The following GRIK2 variants were observed in gnomAD, a reference collection of about 807,000 sequenced individuals.
GRIK2 encodes the protein glutamate ionotropic receptor kainate type subunit 2.
Under a neutral mutation model 100.3 loss-of-function variants are expected in GRIK2, and 32 were observed. That is an observed-to-expected ratio of 0.32 (90% confidence interval 0.24 to 0.43). The LOEUF (loss-of-function observed/expected upper bound fraction) is 0.43. Among genes scored for constraint, GRIK2 ranks in the 20% least tolerant of loss-of-function variants. The pLI is 1.00. For missense variants in GRIK2, 843 were observed against 1,114.9 expected, an observed-to-expected ratio of 0.76 and a Z score of 3.47; for synonymous variants, 417 against 389.4, an observed-to-expected ratio of 1.07 and a Z score of -0.83.
In GRIK2 at chr6:101,686,247, T is replaced by C. The variant is rs1296003066; in HGVS notation, c.845T>C (p.Leu282Ser). 1 of 1,612,966 alleles carries C rather than the reference T, an allele frequency of 6.2e-7. No homozygotes were observed. Among genetic ancestry groups the C allele is most frequent in the East Asian group, 2.2e-5 (1 of 44,808 alleles). Reference sequence around the variant, plus strand: ...GTTAACATGACAGGGTTCAGAATATTAAATACAGAAAATACCCAAGTCTCC... The same window carrying C: ...GTTAACATGACAGGGTTCAGAATATCAAATACAGAAAATACCCAAGTCTCC... ...SGVNMTGFRI[L>S]NTENTQVSSI... is the part of the protein sequence containing the mutation. Residue 282 changes from leucine to serine, a missense_variant, in exon 7 of 17, where the codon TTA (leucine) becomes TCA (serine). Physicochemically the swap from Leu to Ser is moderately radical, Grantham distance 145. This residue lies in a region of GRIK2 where 519 missense variants were observed against 643.8 expected (regional missense o/e 0.81). Coordinates refer to ENST00000369134, the MANE Select transcript of GRIK2 (RefSeq NM_021956.5).
chr6:101,633,750 C>A (rs1180205615), intron 4 of GRIK2, among the ~76,000 whole-genome samples: 1 of 152,110 alleles, frequency 6.6e-6, no homozygotes, highest in African/African-American at 2.4e-5. Context: ...TACACATACA[C>A]ATACACACAA....
intron 7 of GRIK2, among the ~76,000 whole-genome samples, chr6:101,783,650 A>G (rs1779245235): frequency 6.6e-6 from 1 of 152,198 alleles, no homozygotes; most frequent in South Asian, 2.1e-4. Flanking sequence ...GGAACTTCCT[A>G]GAGACTTGTT....
At chr6:101,961,316 G>A (rs761403941) in intron 14 of GRIK2, among the ~76,000 whole-genome samples, 5 of 152,098 alleles carry the variant, frequency 3.3e-5, no homozygotes, top group East Asian at 1.9e-4. Flanking sequence ...ACTCTGCAGC[G>A]GGAATGCTGC....
At chr6:101,905,880 T>G (rs2128463432) in intron 12 of GRIK2, among the ~76,000 whole-genome samples, 1 of 151,620 alleles carries the variant, frequency 6.6e-6, no homozygotes, top group South Asian at 2.1e-4. Context: ...TATTTATTGT[T>G]TGATTAAATG....
At chr6:101,820,220 A>G (rs1401428537) in intron 10 of GRIK2, among the ~76,000 whole-genome samples, 1 of 152,090 alleles carries the variant, frequency 6.6e-6, no homozygotes, top group Non-Finnish European at 1.5e-5. Flanking sequence ...TTATTTTCCC[A>G]AATATCACTA....
intron 2 of GRIK2, among the ~76,000 whole-genome samples, chr6:101,603,989 A>G (rs1298333865): frequency 1.3e-5 from 2 of 151,732 alleles, no homozygotes; most frequent in African/African-American, 2.4e-5. Context: ...GTGCCCATAT[A>G]ACATGTAAAT....
At chr6:101,470,176 G>T (rs1189896645) in intron 2 of GRIK2, among the ~76,000 whole-genome samples, 1 of 152,044 alleles carries the variant, frequency 6.6e-6, no homozygotes, top group African/African-American at 2.4e-5. Context: ...AGTGAATTTT[G>T]TCCCAGTGGC....
chr6:101,769,342 G>T (rs1778255681), intron 7 of GRIK2, among the ~76,000 whole-genome samples: 3 of 152,102 alleles, frequency 2.0e-5, no homozygotes, highest in Admixed American at 6.6e-5. Context: ...CCTTTAAGAG[G>T]TCAGAAAGAA....
chr6:101,708,412 GATAAT>G (rs534486419), intron 7 of GRIK2, among the ~76,000 whole-genome samples: 50 of 151,530 alleles, frequency 3.3e-4, no homozygotes, highest in Admixed American at 4.6e-4. Context: ...GTTGGATGAT[GATAAT>G]ATAACTCTTC....
chr6:101,530,928 T>C lies in GRIK2; in HGVS notation c.116-91021T>C, dbSNP rs13437402. Among the ~76,000 whole-genome samples, 858 of 152,040 alleles carry C rather than the reference T, an allele frequency of 5.6e-3. 7 individuals are homozygous for C. Among genetic ancestry groups the C allele is most frequent in the African/African-American group, 0.02 (820 of 41,510 alleles). On this transcript the variant is annotated intron_variant, in intron 2 of 16. Transcript: ENST00000369134. ...GGAAAGAGCCATTGACGAATACTGG[T>C]AGCATTAGCTTAAATAAAGCAATTT... is the stretch of plus-strand genomic sequence containing the variant.
chr6:102,056,591 T>G (rs1025499550), intron 16 of GRIK2, among the ~76,000 whole-genome samples: 5 of 152,002 alleles, frequency 3.3e-5, no homozygotes, highest in East Asian at 1.9e-4. Context: ...GTTTATGAAC[T>G]TTAGTTGGTA....
At chr6:101,817,363 A>G (rs1781696366) in intron 9 of GRIK2, among the ~76,000 whole-genome samples, 1 of 152,204 alleles carries the variant, frequency 6.6e-6, no homozygotes, top group Non-Finnish European at 1.5e-5. Flanking sequence ...TTTATATACA[A>G]AGACTTATTT....
chr6:101,565,163 T>C (rs1777193216), intron 2 of GRIK2, among the ~76,000 whole-genome samples: 1 of 152,114 alleles, frequency 6.6e-6, no homozygotes, highest in South Asian at 2.1e-4. Context: ...ATTTACCTCA[T>C]GGTATTCAGA....
At chr6:101,790,887 C>T (rs1779799676) in intron 7 of GRIK2, among the ~76,000 whole-genome samples, 1 of 151,940 alleles carries the variant, frequency 6.6e-6, no homozygotes, top group South Asian at 2.1e-4. Flanking sequence ...ATTTCAGCTC[C>T]TGTTATTGGT....
chr6:101,870,843 A>G (rs1232436706), intron 11 of GRIK2, among the ~76,000 whole-genome samples: 2 of 151,910 alleles, frequency 1.3e-5, no homozygotes, highest in Non-Finnish European at 2.9e-5. Context: ...AGACTCATAA[A>G]AAGTCATTTT....
rs186685130 is a variant in GRIK2, at chr6:101,717,549, T to C, written c.951+31196T>C. Among the ~76,000 whole-genome samples the C allele has an allele frequency of 3.7e-3, 562 of 151,902 alleles. 4 individuals are homozygous for C. The highest frequency in any genetic ancestry group is 4.0e-3 in the Non-Finnish European group (274 of 67,846). On this transcript the variant is annotated intron_variant, in intron 7 of 16. Transcript: ENST00000369134. ...CTTAGGAAAGAGTCACTTGTTGCAA[T>C]AGGAATTAAGATATGGCTTTGCCAT...
At chr6:101,665,532 A>G (rs574819496) in intron 4 of GRIK2, among the ~76,000 whole-genome samples, 60 of 152,324 alleles carry the variant, frequency 3.9e-4, no homozygotes, top group African/African-American at 1.4e-3. Flanking sequence ...TTAATACTGC[A>G]TCAAAACATC....
chr6:101,659,048 T>C (rs1278628879), intron 4 of GRIK2, among the ~76,000 whole-genome samples: 1 of 152,244 alleles, frequency 6.6e-6, no homozygotes, highest in Non-Finnish European at 1.5e-5. Context: ...CATTTGTCAA[T>C]TTTGGCTTTT....
chr6:101,778,802 C>T (rs1162763108), intron 7 of GRIK2, among the ~76,000 whole-genome samples: 2 of 151,970 alleles, frequency 1.3e-5, no homozygotes, highest in Non-Finnish European at 2.9e-5. Flanking sequence ...TTTTGTGTAA[C>T]TCTTGAAGCA....
Sources: allele counts gnomAD v4.1 joint callset (sites outside exome capture counted in the v4.1 genomes callset), GRCh38; gene constraint gnomAD v4.1.1; regional missense constraint gnomAD v4.1.1; transcripts MANE v1.5; gene names NCBI Gene and HGNC (gene_info 2026-07-23, HGNC 2026-07-21).